The following MNAT1 variants were observed in gnomAD, a reference collection of about 807,000 sequenced individuals.
MNAT1 encodes the protein CDK-activating kinase assembly factor MAT1.
Under a neutral mutation model 42.0 loss-of-function variants are expected in MNAT1, and 43 were observed. The observed-to-expected ratio is 1.02, with a 90% CI of 0.80 to 1.32. The LOEUF (loss-of-function observed/expected upper bound fraction) is 1.32, where lower values mean the gene tolerates loss of function less well. MNAT1 is among the 40% of genes most tolerant of loss of function. The pLI is 0.00. For missense variants in MNAT1, 306 were observed against 350.4 expected (o/e 0.87, Z 1.01); for synonymous variants, 118 against 120.0 (o/e 0.98, Z 0.11).
chr14:60,881,719 G>T (rs1425692374), intron 7 of MNAT1, among the ~76,000 whole-genome samples: 1 of 152,036 alleles, frequency 6.6e-6, no homozygotes, highest in African/African-American at 2.4e-5. Flanking sequence ...AGCATGTAAT[G>T]TGTAATAATC....
At chr14:60,735,101 AAAT>A in intron 1 of MNAT1, 150 bp downstream of exon 1, 1 of 771,416 alleles carries the variant, frequency 1.3e-6, no homozygotes, top group Non-Finnish European at 2.2e-6. Context: ...TTGTGACTTT[AAAT>A]AGACTGTAGC....
At chr14:60,754,134 C>T (rs964695205) in intron 1 of MNAT1, among the ~76,000 whole-genome samples, 1 of 152,160 alleles carries the variant, frequency 6.6e-6, no homozygotes, top group Non-Finnish European at 1.5e-5. Flanking sequence ...GACAAATAAG[C>T]TGCTCCTGGA....
rs1047450502 is a variant in MNAT1 at position 60,895,052 on chromosome 14, T to C, written c.809+15217T>C. ...CTCATACTTCCCTTCTCTTCAGTCT[T>C]CTACCTTGACAAAGGGATTACATTC... On this transcript the variant is annotated intron_variant, in intron 7 of 7. Transcript: ENST00000261245. Among the ~76,000 whole-genome samples, 11 of 152,312 alleles carry C rather than the reference T, an allele frequency of 7.2e-5. No homozygotes were observed. The East Asian group carries it at 7.7e-4, about 11-fold the overall frequency.
chr14:60,868,195 A>C (rs1300421296), intron 6 of MNAT1, among the ~76,000 whole-genome samples: 1 of 152,200 alleles, frequency 6.6e-6, no homozygotes, highest in Non-Finnish European at 1.5e-5. Flanking sequence ...CTATTAGAAA[A>C]TATATTCACA....
At chr14:60,754,248 C>T (rs1039926894) in intron 1 of MNAT1, among the ~76,000 whole-genome samples, 1 of 151,892 alleles carries the variant, frequency 6.6e-6, no homozygotes, top group Non-Finnish European at 1.5e-5. Flanking sequence ...TAATAGAATC[C>T]CTTCATCTTT....
At chr14:60,813,199 G>A (rs1401964746) in intron 5 of MNAT1, among the ~76,000 whole-genome samples, 1 of 152,218 alleles carries the variant, frequency 6.6e-6, no homozygotes, top group Non-Finnish European at 1.5e-5. Context: ...CTGTGTCCGT[G>A]CCTGGGGCGG....
chr14:60,765,943 G>A (rs1463178653), intron 1 of MNAT1, among the ~76,000 whole-genome samples: 3 of 152,082 alleles, frequency 2.0e-5, no homozygotes, highest in African/African-American at 7.2e-5. Context: ...AAAATTAAAT[G>A]TATAACTTAA....
intron 1 of MNAT1, among the ~76,000 whole-genome samples, chr14:60,787,545 A>G (rs1475677318): frequency 6.6e-6 from 1 of 151,914 alleles, no homozygotes; most frequent in Non-Finnish European, 1.5e-5. Flanking sequence ...GCATTTATTG[A>G]CTCTTCCTTT....
intron 7 of MNAT1, among the ~76,000 whole-genome samples, chr14:60,941,143 T>C (rs2036150608): frequency 1.3e-5 from 2 of 152,240 alleles, no homozygotes; most frequent in African/African-American, 4.8e-5. Context: ...GGTATTTAAA[T>C]AATAAACAAT....
intron 1 of MNAT1, among the ~76,000 whole-genome samples, chr14:60,779,346 C>G (rs1463993798): frequency 3.3e-5 from 5 of 152,198 alleles, no homozygotes; most frequent in African/African-American, 1.2e-4. Context: ...AAGCTGCTTA[C>G]ACCAGCATAA....
At chr14:60,903,901 TTC>T (rs1420183224) in intron 7 of MNAT1, among the ~76,000 whole-genome samples, 2 of 150,290 alleles carry the variant, frequency 1.3e-5, no homozygotes, top group African/African-American at 2.5e-5. Context: ...TTGATGGAGT[TTC>T]TCTCTGTCGC....
intron 7 of MNAT1, among the ~76,000 whole-genome samples, chr14:60,910,598 G>A (rs76354146): frequency 9.2e-5 from 14 of 151,990 alleles, no homozygotes; most frequent in South Asian, 4.1e-4. Flanking sequence ...TTTTTTTGTC[G>A]TTGGTTCTGT....
At chr14:60,812,949 T>C (rs1003153725) in intron 5 of MNAT1, among the ~76,000 whole-genome samples, 1 of 152,174 alleles carries the variant, frequency 6.6e-6, no homozygotes, top group African/African-American at 2.4e-5. Flanking sequence ...CAAGTGTGGG[T>C]ACCCAGAAAG....
At chr14:60,806,655 C>G (rs1231360884) in intron 3 of MNAT1, among the ~76,000 whole-genome samples, 1 of 152,138 alleles carries the variant, frequency 6.6e-6, no homozygotes, top group African/African-American at 2.4e-5. Flanking sequence ...CATGGTGAAG[C>G]CCTGTCTCTA....
intron 7 of MNAT1, among the ~76,000 whole-genome samples, chr14:60,891,539 C>T (rs2034844377): frequency 6.6e-6 from 1 of 152,084 alleles, no homozygotes; most frequent in Non-Finnish European, 1.5e-5. Flanking sequence ...CAACCTCCGC[C>T]TCCCATATTC....
chr14:60,883,651 CTG>C (rs772529835), intron 7 of MNAT1, among the ~76,000 whole-genome samples: 2 of 152,004 alleles, frequency 1.3e-5, no homozygotes, highest in Non-Finnish European at 2.9e-5. Flanking sequence ...TGCATTTAAT[CTG>C]TAGATTGCTT....
chr14:60,888,187 C>T (rs1484544093), intron 7 of MNAT1, among the ~76,000 whole-genome samples: 1 of 139,148 alleles, frequency 7.2e-6, no homozygotes, highest in Non-Finnish European at 1.6e-5. Context: ...AACATTGATG[C>T]AAAAATCCTC....
At chr14:60,779,858 G>T in intron 1 of MNAT1, 1 of 634,520 alleles carries the variant, frequency 1.6e-6, no homozygotes, top group Non-Finnish European at 2.8e-6. Flanking sequence ...TAAGAAGCAA[G>T]TGGATGGTCT....
intron 3 of MNAT1, among the ~76,000 whole-genome samples, chr14:60,803,885 G>A (rs981483852): frequency 6.6e-6 from 1 of 152,180 alleles, no homozygotes; most frequent in African/African-American, 2.4e-5. Context: ...CACACATGAA[G>A]ATGGACTTTC....
Sources: gnomAD v4.1 joint callset for allele counts (sites outside exome capture counted in the v4.1 genomes callset) on GRCh38, gnomAD v4.1.1 for gene constraint, MANE v1.5 for transcripts, NCBI Gene and HGNC (gene_info 2026-07-23, HGNC 2026-07-21) for gene names.